The following DYNC2I1 variants were observed in gnomAD, a reference collection of about 807,000 sequenced individuals.
DYNC2I1 encodes cytoplasmic dynein 2 intermediate chain 1.
In DYNC2I1, 89 loss-of-function variants were observed where a neutral mutation model predicts 133.4. That is an observed-to-expected ratio of 0.67 (90% CI 0.56 to 0.80). DYNC2I1 has a LOEUF of 0.80. Among genes scored for constraint, DYNC2I1 ranks in the 30% least tolerant of loss-of-function variants. The pLI is 0.00. For synonymous variants in DYNC2I1, 504 were observed against 484.3 expected, an observed-to-expected ratio of 1.04 and a Z score of -0.54; for missense variants, 1,291 against 1,314.5, an observed-to-expected ratio of 0.98 and a Z score of 0.28.
chr7:158,928,189 G>T (rs1453431216), intron 20 of DYNC2I1, among the ~76,000 whole-genome samples: 1 of 152,172 alleles, frequency 6.6e-6, no homozygotes, highest in African/African-American at 2.4e-5. Context: ...TATGGAGTAC[G>T]ATTTTCAGTT....
chr7:158,910,794 G>A (rs1286573576), intron 11 of DYNC2I1, among the ~76,000 whole-genome samples: 1 of 151,170 alleles, frequency 6.6e-6, no homozygotes, highest in Non-Finnish European at 1.5e-5. Flanking sequence ...GCCTGTGTGC[G>A]CAGGGCGATT....
At chr7:158,955,375 T>C (rs1852174363) in intron 4 of DYNC2I1, among the ~76,000 whole-genome samples, 1 of 152,204 alleles carries the variant, frequency 6.6e-6, no homozygotes, top group South Asian at 2.1e-4. Flanking sequence ...GAGGCTTCAG[T>C]CTGCATGGGG....
intron 21 of DYNC2I1, among the ~76,000 whole-genome samples, chr7:158,932,977 T>G (rs1308604186): frequency 6.6e-6 from 1 of 152,092 alleles, no homozygotes; most frequent in Non-Finnish European, 1.5e-5. Context: ...TGTGTTCCAG[T>G]GAGGACAGGC....
At chr7:158,920,624 TGGG>T (rs2129486343) in intron 15 of DYNC2I1, among the ~76,000 whole-genome samples, 1 of 146,328 alleles carries the variant, frequency 6.8e-6, no homozygotes, top group African/African-American at 2.5e-5. Flanking sequence ...TGGCCTCCGT[TGGG>T]GAACTCGTGA....
chr7:158,914,620 T>A (rs1260665486), intron 14 of DYNC2I1, among the ~76,000 whole-genome samples: 2 of 152,204 alleles, frequency 1.3e-5, no homozygotes, highest in Non-Finnish European at 2.9e-5. Flanking sequence ...AGACACGAAG[T>A]TGGCAAGGCA....
chr7:158,899,009 A>C (rs1017097187), intron 8 of DYNC2I1, among the ~76,000 whole-genome samples: 1 of 152,168 alleles, frequency 6.6e-6, no homozygotes, highest in African/African-American at 2.4e-5. Context: ...AGACATAAGC[A>C]TGTTATCCCT....
intron 4 of DYNC2I1, 80 bp from the exon 5 acceptor site, chr7:158,879,604 G>C: frequency 2.1e-6 from 3 of 1,450,256 alleles, no homozygotes; most frequent in Non-Finnish European, 2.8e-6. Context: ...ATCCGTCGTT[G>C]CAGAACCCAC....
At chr7:158,954,538 C>T (rs1852149967) in intron 4 of DYNC2I1, among the ~76,000 whole-genome samples, 1 of 152,150 alleles carries the variant, frequency 6.6e-6, no homozygotes, top group African/African-American at 2.4e-5. Context: ...GTCCCAGCTA[C>T]TTGGGAGGCT....
Position 158,929,562 on chromosome 7 carries a change from G to A in DYNC2I1, c.2486-893G>A, listed in dbSNP as rs997699518. Among the ~76,000 whole-genome samples the A allele has an allele frequency of 7.2e-5, 11 of 152,232 alleles. No individual in the cohort carries two copies. The South Asian group carries it at 8.3e-4, about 11-fold the overall frequency. ...CGAGACGCCAGGTGGGGGGCATGCC[G>A]GGAAGCTTCACATTTGTGAATAGTG... On this transcript the variant is annotated intron_variant, in intron 20 of 24. Transcript: ENST00000407559.
At chr7:158,951,476 G>A (rs891442110) in intron 4 of DYNC2I1, among the ~76,000 whole-genome samples, 2 of 152,242 alleles carry the variant, frequency 1.3e-5, no homozygotes, top group African/African-American at 4.8e-5. Context: ...AGGTGCAGGT[G>A]CTGGGAGCGT....
intron 4 of DYNC2I1, among the ~76,000 whole-genome samples, chr7:158,952,842 C>T (rs1439115068): frequency 1.9e-5 from 1 of 53,406 alleles, no homozygotes; most frequent in Non-Finnish European, 5.5e-5. Context: ...AGGGGACTCT[C>T]CTCAGCACCC....
At chr7:158,899,427 C>A (rs1339510417) in intron 8 of DYNC2I1, among the ~76,000 whole-genome samples, 1 of 152,130 alleles carries the variant, frequency 6.6e-6, no homozygotes, top group Admixed American at 6.5e-5. Context: ...TCTGTTAGAT[C>A]AATTAAGGAA....
chr7:158,926,468 G>A lies in DYNC2I1; in HGVS notation c.2433+5G>A, dbSNP rs1849633780. On this transcript the variant is annotated splice_donor_5th_base_variant and intron_variant, in intron 19 of 24. Coordinates refer to ENST00000407559, the MANE Select transcript of DYNC2I1 (RefSeq NM_018051.5). Reference sequence around the variant, plus strand: ...AGTGGGGTTCTCAATGTATGGGTGAGTAGTGGCCCAGGCCGGGCACATGCG... The same window carrying A: ...AGTGGGGTTCTCAATGTATGGGTGAATAGTGGCCCAGGCCGGGCACATGCG... The A allele has an allele frequency of 1.2e-6, 2 of 1,612,370 alleles. No individual in the cohort carries two copies. Among genetic ancestry groups the A allele is most frequent in the Non-Finnish European group, 1.7e-6 (2 of 1,179,278 alleles).
At chr7:158,908,801 C>T (rs1420692186) in intron 11 of DYNC2I1, among the ~76,000 whole-genome samples, 1 of 152,132 alleles carries the variant, frequency 6.6e-6, no homozygotes, top group African/African-American at 2.4e-5. Context: ...ACAGGAAATA[C>T]CTGTCGGTGG....
At chr7:158,916,729 GGAT>G (rs1848364550) in intron 14 of DYNC2I1, among the ~76,000 whole-genome samples, 3 of 59,318 alleles carry the variant, frequency 5.1e-5, no homozygotes, top group Admixed American at 3.4e-4. Context: ...TTGACATTAA[GGAT>G]GATTGTGAAA....
chr7:158,867,734 C>T (rs563438745), intron 1 of DYNC2I1, among the ~76,000 whole-genome samples: 3 of 152,194 alleles, frequency 2.0e-5, no homozygotes, highest in South Asian at 4.2e-4. Flanking sequence ...GGGCTGGTGC[C>T]GGCCTCTCCT....
At chr7:158,841,962 A>C in the DYNC2I1 span, among the ~76,000 whole-genome samples, 1 of 152,232 alleles carries the variant, frequency 6.6e-6, no homozygotes, top group African/African-American at 2.4e-5. Context: ...TGCGGATCTT[A>C]AGAGCTAGGC....
At chr7:158,866,318 G>A (rs753680958) in intron 1 of DYNC2I1, among the ~76,000 whole-genome samples, 1 of 151,666 alleles carries the variant, frequency 6.6e-6, no homozygotes, top group Non-Finnish European at 1.5e-5. Flanking sequence ...GGTGTCCTGG[G>A]CATCCCTTCT....
chr7:158,864,568 G>GC (rs547575694), intron 1 of DYNC2I1, among the ~76,000 whole-genome samples: 191 of 152,182 alleles, frequency 1.3e-3, no homozygotes, highest in Non-Finnish European at 1.6e-3. Context: ...GAGTGCAGTG[G>GC]CAGTTATCAC....
Sources: gnomAD v4.1 joint callset for allele counts (sites outside exome capture counted in the v4.1 genomes callset) on GRCh38, gnomAD v4.1.1 for gene constraint, MANE v1.5 for transcripts, NCBI Gene and HGNC (gene_info 2026-07-23, HGNC 2026-07-21) for gene names.